BEND6: variants seen among roughly 807,000 people sequenced by gnomAD.
BEND6 encodes BEN domain containing 6.
In BEND6, 24 loss-of-function variants were observed where a neutral mutation model predicts 31.8. The ratio of observed to expected loss-of-function variants is 0.75; its 90% confidence interval spans 0.55 to 1.06. The LOEUF (loss-of-function observed/expected upper bound fraction) is 1.06, where lower values mean the gene tolerates loss of function less well. BEND6 is among the 50% of genes least tolerant of loss of function. BEND6 has a pLI of 0.00. For missense variants in BEND6, 294 were observed against 327.4 expected, an observed-to-expected ratio of 0.90 and a Z score of 0.79; for synonymous variants, 109 against 114.6, an observed-to-expected ratio of 0.95 and a Z score of 0.31.
chr6:57,016,497 A>T (rs1827563932), intron 4 of BEND6, among the ~76,000 whole-genome samples: 1 of 152,166 alleles, frequency 6.6e-6, no homozygotes, highest in African/African-American at 2.4e-5. Context: ...GGTAGAATTC[A>T]TTTTCTTGTG....
chr6:57,008,007 T>G (rs1019966200), intron 3 of BEND6, among the ~76,000 whole-genome samples: 3 of 152,228 alleles, frequency 2.0e-5, no homozygotes, highest in African/African-American at 7.2e-5. Flanking sequence ...AGGTTGGGGT[T>G]ATGTGCCTTC....
chr6:57,017,498 T>C (rs547212716), intron 5 of BEND6, 99 bp downstream of exon 5: 1 of 1,020,748 alleles, frequency 9.8e-7, no homozygotes, highest in Non-Finnish European at 1.3e-6. Flanking sequence ...TTTTAAAGTT[T>C]ATTTTTCTGG....
At chr6:56,973,317 A>G (rs1562538144) in intron 1 of BEND6, among the ~76,000 whole-genome samples, 1 of 152,090 alleles carries the variant, frequency 6.6e-6, no homozygotes, top group East Asian at 1.9e-4. Flanking sequence ...CTGCTGTAGG[A>G]CCTTAGAGGG....
intron 1 of BEND6, among the ~76,000 whole-genome samples, chr6:56,963,393 A>G (rs1239767367): frequency 6.6e-6 from 1 of 152,134 alleles, no homozygotes; most frequent in Non-Finnish European, 1.5e-5. Flanking sequence ...GCAATTTCAC[A>G]AGACTCTTTG....
chr6:56,977,077 A>G (rs1333819830), intron 1 of BEND6, among the ~76,000 whole-genome samples: 2 of 152,224 alleles, frequency 1.3e-5, no homozygotes, highest in Admixed American at 1.3e-4. Flanking sequence ...ACCAAAATAA[A>G]TTTCATATGG....
rs1246950865 is a variant in BEND6, at chr6:57,026,836, A to C, written c.*764A>C. The C allele has an allele frequency of 6.6e-6, 1 of 152,218 alleles. No homozygotes were observed. The highest frequency in any genetic ancestry group is 2.4e-5 in the African/African-American group (1 of 41,458). 9.4% of individuals were successfully genotyped at this position (152,218 alleles called of 1,614,324 possible). On this transcript the variant is annotated 3_prime_UTR_variant, in exon 7 of 7. Transcript: ENST00000370746. Reference sequence around the variant, plus strand: ...TTTGTTTATTTACCAGACATGTTCTAACTTTGTATTGCCCAAAGTATATTA... The same window carrying C: ...TTTGTTTATTTACCAGACATGTTCTCACTTTGTATTGCCCAAAGTATATTA...
intron 3 of BEND6, chr6:57,010,768 G>A (rs1827317133): frequency 2.4e-6 from 2 of 849,890 alleles, no homozygotes; most frequent in African/African-American, 3.7e-5. Flanking sequence ...ATATTTAACT[G>A]ATCTGAGTGA....
intron 5 of BEND6, among the ~76,000 whole-genome samples, chr6:57,017,662 T>C (rs555611654): frequency 6.6e-6 from 1 of 152,312 alleles, no homozygotes; most frequent in East Asian, 1.9e-4. Context: ...AAATGTAAAT[T>C]TTCACAATCT....
intron 1 of BEND6, among the ~76,000 whole-genome samples, chr6:56,969,087 A>G (rs552646645): frequency 6.6e-6 from 1 of 152,146 alleles, no homozygotes; most frequent in East Asian, 1.9e-4. Flanking sequence ...AAAAAAAAGA[A>G]AAGAAAATGA....
At chr6:56,972,915 AAG>A (rs982191129) in intron 1 of BEND6, among the ~76,000 whole-genome samples, 1 of 152,208 alleles carries the variant, frequency 6.6e-6, no homozygotes, top group East Asian at 1.9e-4. Flanking sequence ...ATGACAAAGA[AAG>A]AGAGAGATGT....
chr6:56,969,007 G>A (rs983714991), intron 1 of BEND6, among the ~76,000 whole-genome samples: 16 of 152,006 alleles, frequency 1.1e-4, no homozygotes, highest in Middle Eastern at 6.8e-3. Context: ...CCCAGGAGGC[G>A]GAGGTTGTGT....
intron 1 of BEND6, among the ~76,000 whole-genome samples, chr6:56,964,391 C>T (rs1046830896): frequency 6.6e-6 from 1 of 152,104 alleles, no homozygotes; most frequent in African/African-American, 2.4e-5. Flanking sequence ...GTACATTTGC[C>T]CAAGGTTCTG....
chr6:57,001,306 A>G (rs539737150), intron 3 of BEND6, among the ~76,000 whole-genome samples: 4 of 151,878 alleles, frequency 2.6e-5, no homozygotes, highest in Non-Finnish European at 5.9e-5. Flanking sequence ...CGAGACTACA[A>G]GCATGCACCA....
chr6:56,957,423 T>A lies in BEND6; in HGVS notation c.-101+1963T>A, dbSNP rs1364432111. 3.3e-5 allele frequency among the ~76,000 whole-genome samples: 5 copies of A among 152,352 alleles called. No individual in the cohort carries two copies. In the South Asian group the frequency reaches 8.3e-4, roughly 25 times the overall value. ...GATTTGTTTGTTGCTAATTTATCAT[T>A]TTTTCCAAATAACAGCATACATAGT... On this transcript the variant is annotated intron_variant, in intron 1 of 6. Coordinates refer to ENST00000370746, the MANE Select transcript of BEND6 (RefSeq NM_152731.3).
intron 3 of BEND6, among the ~76,000 whole-genome samples, chr6:57,001,714 C>A (rs771798009): frequency 1.6e-4 from 24 of 152,162 alleles, no homozygotes; most frequent in Non-Finnish European, 3.2e-4. Context: ...TAATACTAGA[C>A]CAGCCTTACA....
intron 1 of BEND6, among the ~76,000 whole-genome samples, chr6:56,963,874 A>G (rs1004827897): frequency 6.8e-6 from 1 of 147,934 alleles, no homozygotes; most frequent in African/African-American, 2.5e-5. Context: ...ATAATAAAAT[A>G]CTACTATTAA....
chr6:56,992,203 GCCCTT>G (rs1410793999), intron 2 of BEND6, among the ~76,000 whole-genome samples, 170 bp from the exon 3 acceptor site: 1 of 152,184 alleles, frequency 6.6e-6, no homozygotes, highest in Admixed American at 6.5e-5. Flanking sequence ...ACTTTGTCCT[GCCCTT>G]ATTTTGAGTT....
At chr6:56,981,976 C>A (rs201991124) in intron 2 of BEND6, 46 bp downstream of exon 2, 84 of 1,548,838 alleles carry the variant, frequency 5.4e-5, no homozygotes, top group South Asian at 5.0e-4. Flanking sequence ...CTAGCTCAAT[C>A]ATAATTTCAT....
intron 3 of BEND6, among the ~76,000 whole-genome samples, chr6:56,992,802 A>G (rs1487792910): frequency 1.3e-5 from 2 of 152,198 alleles, no homozygotes; most frequent in Non-Finnish European, 2.9e-5. Flanking sequence ...TTCATTTAAT[A>G]GTTTTTAAGA....
Sources: gnomAD v4.1 joint callset for allele counts (sites outside exome capture counted in the v4.1 genomes callset) on GRCh38, gnomAD v4.1.1 for gene constraint, MANE v1.5 for transcripts, NCBI Gene and HGNC (gene_info 2026-07-23, HGNC 2026-07-21) for gene names.